Variants in RBM20 observed in about 807,000 individuals in gnomAD.
The protein encoded by RBM20 is RNA binding motif protein 20.
A neutral mutation model predicts 110.1 loss-of-function variants in RBM20; 51 were observed. That is an observed-to-expected ratio of 0.46 (90% confidence interval 0.37 to 0.59). The LOEUF is 0.59. Ranked by LOEUF, RBM20 falls within the 20% of genes least tolerant of loss-of-function variation. The pLI is 0.00. For synonymous variants in RBM20, 589 were observed against 618.2 expected, an observed-to-expected ratio of 0.95 and a Z score of 0.70; for missense variants, 1,512 against 1,574.9, an observed-to-expected ratio of 0.96 and a Z score of 0.68.
chr10:110,663,032 TTG>T (rs1862128903), intron 1 of RBM20, among the ~76,000 whole-genome samples: 1 of 152,096 alleles, frequency 6.6e-6, no homozygotes, highest in South Asian at 2.1e-4. Flanking sequence ...TGGCACGATT[TTG>T]TCTCACTGCA....
At chr10:110,664,863 T>C (rs1383510088) in intron 1 of RBM20, among the ~76,000 whole-genome samples, 2 of 152,120 alleles carry the variant, frequency 1.3e-5, no homozygotes, top group Non-Finnish European at 1.5e-5. Context: ...CCTGTCCTCC[T>C]TCTTCAGTCT....
chr10:110,774,768 G>A (rs1004855887), intron 1 of RBM20, among the ~76,000 whole-genome samples: 7 of 152,196 alleles, frequency 4.6e-5, no homozygotes, highest in Admixed American at 3.9e-4. Context: ...CTCTTAAAGT[G>A]TGATCACTAG....
chr10:110,815,696 T>A (rs1844829117), intron 9 of RBM20, among the ~76,000 whole-genome samples: 1 of 152,224 alleles, frequency 6.6e-6, no homozygotes. Flanking sequence ...CCTCATTTCT[T>A]CTACTGTTTT....
chr10:110,766,341 TTTA>T lies in RBM20; in HGVS notation c.192-14459_192-14457del, dbSNP rs1446259642. Among the ~76,000 whole-genome samples, 558 of 152,154 alleles carry T rather than the reference TTTA, an allele frequency of 3.7e-3. 4 individuals are homozygous for T. Among genetic ancestry groups the T allele is most frequent in the African/African-American group, 0.013 (531 of 41,472 alleles). On this transcript the variant is annotated intron_variant, in intron 1 of 13. Coordinates refer to ENST00000369519, the MANE Select transcript of RBM20 (RefSeq NM_001134363.3). The stretch of plus-strand genomic sequence containing the variant: ...TTTTTTTTTGTTTTTTGTTTTTTGT[TTTA>T]ATTGATCATTCTTGGGTGTTTCTCG...
chr10:110,684,473 G>T (rs902113450), intron 1 of RBM20, among the ~76,000 whole-genome samples: 1 of 151,918 alleles, frequency 6.6e-6, no homozygotes, highest in South Asian at 2.1e-4. Context: ...CCAAGATATT[G>T]TTAGAACAAA....
intron 1 of RBM20, among the ~76,000 whole-genome samples, chr10:110,689,772 T>G (rs909657114): frequency 6.6e-6 from 1 of 152,202 alleles, no homozygotes; most frequent in Non-Finnish European, 1.5e-5. Flanking sequence ...ATAAAGCCTT[T>G]TACAAGTCTA....
Position 110,823,497 on chromosome 10 carries a change from G to A in RBM20, c.3334G>A (p.Glu1112Lys). The change falls in exon 12 of 14, where the codon GAA (glutamate) becomes AAA (lysine). Residue 1112 changes from glutamate to lysine, a missense_variant. Glu to Lys is a moderately conservative substitution (Grantham distance 56). This residue lies in a region of RBM20 where 358 missense variants were observed against 384.2 expected (regional missense o/e 0.93). Coordinates refer to ENST00000369519, the MANE Select transcript of RBM20 (RefSeq NM_001134363.3). Reference sequence around the variant, plus strand: ...TTTTGCAGAAAACTCCAGGTACGTGGAAATGAAATCTCTGGAGGTGAGGTC... The same window carrying A: ...TTTTGCAGAAAACTCCAGGTACGTGAAAATGAAATCTCTGGAGGTGAGGTC... ...VLTPENSRYV[E>K]MKSLEVRSPE... is the part of the protein sequence containing the mutation. The A allele has an allele frequency of 6.6e-7, 1 of 1,509,394 alleles. No homozygotes were observed. The highest frequency in any genetic ancestry group is 8.9e-7 in the Non-Finnish European group (1 of 1,128,048). 93.5% of individuals were successfully genotyped at this position (1,509,394 alleles called of 1,614,324 possible). A position where few individuals can be genotyped will look rare whatever the true frequency, so the allele number is the denominator to read the frequency against.
intron 1 of RBM20, among the ~76,000 whole-genome samples, chr10:110,687,995 TTGTGTGTGTGTGTGTGTG>T (rs60479740): frequency 6.9e-6 from 1 of 145,376 alleles, no homozygotes; most frequent in Non-Finnish European, 1.5e-5. Flanking sequence ...CTAAATGGTT[TTGTGTGTGTGTGTGTGTG>T]TGTGTGTGTG....
chr10:110,643,531 C>T (rs904069535), upstream of RBM20, among the ~76,000 whole-genome samples: 4 of 152,250 alleles, frequency 2.6e-5, no homozygotes, highest in Admixed American at 6.5e-5. Flanking sequence ...TCGGCGAACT[C>T]TCTTTTCATC....
intron 1 of RBM20, among the ~76,000 whole-genome samples, chr10:110,777,926 G>GT (rs569034399): frequency 8.5e-5 from 13 of 152,350 alleles, no homozygotes; most frequent in Non-Finnish European, 1.8e-4. Flanking sequence ...AGTTGGCCCT[G>GT]TGTGGCCACG....
At chr10:110,818,586 G>A (rs1302557726) in intron 9 of RBM20, among the ~76,000 whole-genome samples, 1 of 152,252 alleles carries the variant, frequency 6.6e-6, no homozygotes, top group Admixed American at 6.5e-5. Context: ...TGATCCCACA[G>A]CAAAGGGAAG....
At chr10:110,749,259 C>T (rs771492364) in intron 1 of RBM20, among the ~76,000 whole-genome samples, 31 of 152,248 alleles carry the variant, frequency 2.0e-4, no homozygotes, top group Non-Finnish European at 4.0e-4. Flanking sequence ...GTACTTTCAA[C>T]GAGTTGCTTA....
intron 1 of RBM20, among the ~76,000 whole-genome samples, chr10:110,707,485 G>A (rs2134905371): frequency 6.6e-6 from 1 of 152,264 alleles, no homozygotes; most frequent in East Asian, 1.9e-4. Flanking sequence ...TTATTTCCTA[G>A]AGAAAGTTAA....
At chr10:110,797,335 G>A (rs897456107) in intron 5 of RBM20, among the ~76,000 whole-genome samples, 173 bp from the exon 6 acceptor site, 1 of 152,092 alleles carries the variant, frequency 6.6e-6, no homozygotes, top group African/African-American at 2.4e-5. Flanking sequence ...TAAAGAGATA[G>A]AATAAAATTG....
chr10:110,819,489 G>T (rs1844880894), intron 9 of RBM20, among the ~76,000 whole-genome samples: 1 of 152,178 alleles, frequency 6.6e-6, no homozygotes, highest in Admixed American at 6.5e-5. Flanking sequence ...CAATTGTTCA[G>T]TTTCACAGAC....
At chr10:110,770,556 A>G (rs545788270) in intron 1 of RBM20, among the ~76,000 whole-genome samples, 29 of 152,296 alleles carry the variant, frequency 1.9e-4, no homozygotes, top group Admixed American at 1.4e-3. Flanking sequence ...ACTGGCCCAC[A>G]TTGCCTCTCC....
intron 1 of RBM20, among the ~76,000 whole-genome samples, chr10:110,710,291 GA>G (rs1437739449): frequency 6.6e-6 from 1 of 152,194 alleles, no homozygotes; most frequent in Non-Finnish European, 1.5e-5. Context: ...CAATAATCTG[GA>G]AATGTAGCCA....
At chr10:110,829,103 G>A (rs1845017044) in intron 12 of RBM20, among the ~76,000 whole-genome samples, 1 of 152,210 alleles carries the variant, frequency 6.6e-6, no homozygotes, top group South Asian at 2.1e-4. Context: ...CAGAGGCTGG[G>A]ACGGGACTGA....
At chr10:110,668,552 G>A (rs898738279) in intron 1 of RBM20, among the ~76,000 whole-genome samples, 5 of 151,880 alleles carry the variant, frequency 3.3e-5, no homozygotes, top group African/African-American at 7.3e-5. Context: ...CAGAAATTGC[G>A]AATGGCCCCA....
Sources: gnomAD v4.1 joint callset for allele counts (sites outside exome capture counted in the v4.1 genomes callset) on GRCh38, gnomAD v4.1.1 for gene constraint, gnomAD v4.1.1 regional missense constraint, MANE v1.5 for transcripts, NCBI Gene and HGNC (gene_info 2026-07-23, HGNC 2026-07-21) for gene names.